Variants in ANK2 observed in about 807,000 individuals in gnomAD.
ANK2 encodes ankyrin-2.
Under a neutral mutation model 360.5 loss-of-function variants are expected in ANK2, and 83 were observed. The observed-to-expected ratio is 0.23, with a 90% CI of 0.19 to 0.28. The LOEUF (loss-of-function observed/expected upper bound fraction) is 0.28, where lower values mean the gene tolerates loss of function less well. ANK2 is among the 10% of genes least tolerant of loss of function. ANK2 has a pLI of 1.00. For missense variants in ANK2, 4,201 were observed against 4,795.7 expected, an observed-to-expected ratio of 0.88 and a Z score of 3.66; for synonymous variants, 1,740 against 1,759.5, an observed-to-expected ratio of 0.99 and a Z score of 0.28.
chr4:113,344,852 G>T (rs1268237754), intron 34 of ANK2, among the ~76,000 whole-genome samples: 1 of 152,056 alleles, frequency 6.6e-6, no homozygotes, highest in Non-Finnish European at 1.5e-5. Context: ...TTATTTTTTT[G>T]ACCTCTCCTC....
Position 113,353,747 on chromosome 4 carries a change from A to T in ANK2, c.5129A>T (p.Glu1710Val), listed in dbSNP as rs532551312. The T allele has an allele frequency of 6.2e-7, 1 of 1,613,856 alleles. No individual in the cohort carries two copies. The highest frequency in any genetic ancestry group is 1.3e-5 in the African/African-American group (1 of 74,992). ...AAGCCAGTAAGAAGGAAATTAAAAGAAAAGCAGAAACAAAAAGAGGAAGGT... is the reference window on the plus strand; with the variant it reads ...AAGCCAGTAAGAAGGAAATTAAAAGTAAAGCAGAAACAAAAAGAGGAAGGT... ...IKKPVRRKLK[E>V]KQKQKEEGLQ... The change falls in exon 38 of 46, where the codon GAA becomes GTA. Residue 1710 changes from glutamate to valine, a missense_variant. Physicochemically the swap from Glu to Val is moderately radical, Grantham distance 121 (BLOSUM62 -2). Transcript: ENST00000357077.
At chr4:113,307,705 C>T (rs1410002844) in intron 23 of ANK2, among the ~76,000 whole-genome samples, 2 of 152,080 alleles carry the variant, frequency 1.3e-5, no homozygotes, top group South Asian at 2.1e-4. Context: ...GCCCGGCCGC[C>T]GTTCCACTTT....
chr4:113,347,241 G>T (rs531466843), intron 35 of ANK2, among the ~76,000 whole-genome samples: 1 of 151,922 alleles, frequency 6.6e-6, no homozygotes, highest in Non-Finnish European at 1.5e-5. Flanking sequence ...TTTATTAAAT[G>T]AATAAAATAA....
rs2095625124 is a variant in ANK2 at position 113,354,572 on chromosome 4, A to T, written c.5954A>T (p.Glu1985Val). The stretch of plus-strand genomic sequence containing the variant: ...CCCACTTCAAAAACAGAGAGGATTG[A>T]GGAAACCATGTCTGTTCGGGAGCTG... Reference protein sequence around the residue: ...VSPTSKTERIEETMSVRELMK... With the variant: ...VSPTSKTERIVETMSVRELMK... The change falls in exon 38 of 46, where the codon GAG (glutamate) becomes GTG (valine). Residue 1985 changes from glutamate (E) to valine (V), a missense_variant. Coordinates refer to ENST00000357077, the MANE Select transcript of ANK2 (RefSeq NM_001148.6). 1 of 1,614,020 alleles carries T rather than the reference A, an allele frequency of 6.2e-7. No individual in the cohort carries two copies. The highest frequency in any genetic ancestry group is 8.5e-7 in the Non-Finnish European group (1 of 1,180,008).
At chr4:112,762,214 A>G in the ANK2 span, among the ~76,000 whole-genome samples, 1 of 152,242 alleles carries the variant, frequency 6.6e-6, no homozygotes, top group African/African-American at 2.4e-5. Context: ...TGATTACTCA[A>G]GTTAAAACAA....
intron 20 of ANK2, among the ~76,000 whole-genome samples, chr4:113,291,164 G>A (rs77997722): frequency 0.034 from 5,111 of 152,238 alleles, 96 homozygotes; most frequent in Non-Finnish European, 0.038. Flanking sequence ...GTAAATGCTT[G>A]TTGAATGAAT....
chr4:112,876,179 A>C (rs1307389616), intron 1 of ANK2, among the ~76,000 whole-genome samples: 2 of 152,172 alleles, frequency 1.3e-5, no homozygotes, highest in Non-Finnish European at 2.9e-5. Context: ...GTTTGAACAA[A>C]TAGAAAGTCA....
chr4:113,168,110 TC>T (rs2097815084), intron 1 of ANK2, among the ~76,000 whole-genome samples: 1 of 152,208 alleles, frequency 6.6e-6, no homozygotes. Context: ...ATGGTTGGTA[TC>T]TTAGGGAAAG....
chr4:113,079,065 G>A (rs187591309), intron 1 of ANK2, among the ~76,000 whole-genome samples: 2 of 152,048 alleles, frequency 1.3e-5, no homozygotes, highest in East Asian at 1.9e-4. Flanking sequence ...GAATAAACAC[G>A]TGGAAACTGC....
At chr4:113,229,060 T>C (rs1452918538) in intron 4 of ANK2, among the ~76,000 whole-genome samples, 1 of 152,190 alleles carries the variant, frequency 6.6e-6, no homozygotes, top group African/African-American at 2.4e-5. Context: ...CACACCAACC[T>C]GCACATATTC....
intron 2 of ANK2, among the ~76,000 whole-genome samples, chr4:112,974,311 A>T (rs557468918): frequency 6.6e-6 from 1 of 152,344 alleles, no homozygotes; most frequent in African/African-American, 2.4e-5. Context: ...AATGTTTTCC[A>T]TTAAAGGGGG....
intron 4 of ANK2, among the ~76,000 whole-genome samples, chr4:113,219,701 C>CAGGG (rs200392601): frequency 0.028 from 4,245 of 152,226 alleles, 97 homozygotes; most frequent in East Asian, 0.067. Flanking sequence ...TGATGTGTCT[C>CAGGG]AGGGTCACTA....
intron 23 of ANK2, among the ~76,000 whole-genome samples, chr4:113,305,729 A>G (rs1212799384): frequency 1.3e-5 from 2 of 152,372 alleles, no homozygotes; most frequent in Non-Finnish European, 1.5e-5. Context: ...GAAACCTGCT[A>G]TCATCCACGT....
intron 2 of ANK2, among the ~76,000 whole-genome samples, chr4:113,179,010 C>G (rs1305827762): frequency 6.6e-6 from 1 of 152,146 alleles, no homozygotes; most frequent in Non-Finnish European, 1.5e-5. Context: ...ATAAAAATAA[C>G]TTTATTCATA....
chr4:112,891,184 A>G (rs975118158), intron 1 of ANK2, among the ~76,000 whole-genome samples: 1 of 152,212 alleles, frequency 6.6e-6, no homozygotes, highest in Non-Finnish European at 1.5e-5. Context: ...CCACGTAACT[A>G]GCAGTAGCAG....
intron 17 of ANK2, among the ~76,000 whole-genome samples, chr4:113,279,496 C>T (rs1374341520): frequency 6.6e-6 from 1 of 151,846 alleles, no homozygotes; most frequent in African/African-American, 2.4e-5. Context: ...TGTGTTTGAC[C>T]TCAGGCAGAC....
chr4:113,373,594 T>C (rs573347246), intron 45 of ANK2, 145 bp downstream of exon 45: 10 of 876,110 alleles, frequency 1.1e-5, no homozygotes, highest in Middle Eastern at 2.1e-4. Flanking sequence ...TTCACCTTTT[T>C]GTTTTCATGA....
chr4:112,892,985 C>T (rs1580662118), intron 1 of ANK2, among the ~76,000 whole-genome samples: 1 of 151,978 alleles, frequency 6.6e-6, no homozygotes, highest in African/African-American at 2.4e-5. Context: ...TTTTATATCC[C>T]CCAAATGGTT....
chr4:113,326,072 T>C (rs1311948935), intron 26 of ANK2, among the ~76,000 whole-genome samples: 1 of 152,202 alleles, frequency 6.6e-6, no homozygotes, highest in Non-Finnish European at 1.5e-5. Context: ...GAACGACTCA[T>C]CTCGCGACTC....
Sources: allele counts gnomAD v4.1 joint callset (sites outside exome capture counted in the v4.1 genomes callset), GRCh38; gene constraint gnomAD v4.1.1; transcripts MANE v1.5; gene names NCBI Gene and HGNC (gene_info 2026-07-23, HGNC 2026-07-21).